ZNF831: variants seen among roughly 807,000 people sequenced by gnomAD.
ZNF831 encodes the protein zinc finger protein 831, also known as chromosome 20 open reading frame 174.
Under a neutral mutation model 95.8 loss-of-function variants are expected in ZNF831, and 59 were observed. That is an observed-to-expected ratio of 0.62 (90% confidence interval 0.50 to 0.77). ZNF831 has a LOEUF of 0.77. Among genes scored for constraint, ZNF831 ranks in the 30% least tolerant of loss-of-function variants. ZNF831 has a pLI of 0.00. For missense variants in ZNF831, 2,205 were observed against 2,164.0 expected, an observed-to-expected ratio of 1.02 and a Z score of -0.38; for synonymous variants, 961 against 925.5, an observed-to-expected ratio of 1.04 and a Z score of -0.70.
chr20:59,147,305 C>G (rs917473907), intron 2 of ZNF831, among the ~76,000 whole-genome samples: 2 of 152,244 alleles, frequency 1.3e-5, no homozygotes, highest in African/African-American at 4.8e-5. Context: ...ATGTTCCATG[C>G]ACAGGCTCTG....
Position 59,172,106 on chromosome 20 carries a change from C to T in ZNF831, c.-37+7899C>T, listed in dbSNP as rs114398807. Among the ~76,000 whole-genome samples, 406 of 152,234 alleles carry T rather than the reference C, an allele frequency of 2.7e-3. 6 individuals carry two copies. The highest frequency in any genetic ancestry group is 9.2e-3 in the African/African-American group (381 of 41,530). On this transcript the variant is annotated intron_variant, in intron 1 of 5. Coordinates refer to ENST00000371030, the MANE Select transcript of ZNF831 (RefSeq NM_178457.3). ...TAGTTCTGAAAACTGGGTAAAGGGC[C>T]GTGAGTCTCCATTTGATGACTGAGT...
intron 4 of ZNF831, among the ~76,000 whole-genome samples, chr20:59,218,970 G>A (rs865833980): frequency 6.6e-5 from 10 of 152,018 alleles, no homozygotes; most frequent in Admixed American, 4.6e-4. Flanking sequence ...CCAAGATCGC[G>A]CTACTACACT....
At position 59,218,969 on chromosome 20, in the gene ZNF831, C is replaced by T. The variant is rs184100992; in HGVS notation, c.4027+11913C>T. Among the ~76,000 whole-genome samples the T allele has an allele frequency of 1.1e-3, 172 of 152,066 alleles. 3 individuals carry two copies. Among genetic ancestry groups the T allele is most frequent in the African/African-American group, 4.0e-3 (165 of 41,480 alleles). On this transcript the variant is annotated intron_variant, in intron 4 of 5. Coordinates refer to ENST00000371030, the MANE Select transcript of ZNF831 (RefSeq NM_178457.3). ...TGGAGGTTGCAGTGAGCCAAGATCG[C>T]GCTACTACACTCCAGCCTAGGTGAC... is the stretch of plus-strand genomic sequence containing the variant.
At chr20:59,182,835 G>A (rs1982725265) in intron 1 of ZNF831, among the ~76,000 whole-genome samples, 1 of 152,208 alleles carries the variant, frequency 6.6e-6, no homozygotes, top group Non-Finnish European at 1.5e-5. Context: ...GGCCCTGACA[G>A]GAAGTGGGCA....
At chr20:59,246,214 G>C (rs1056456146) in intron 4 of ZNF831, among the ~76,000 whole-genome samples, 8 of 151,944 alleles carry the variant, frequency 5.3e-5, no homozygotes, top group Non-Finnish European at 1.2e-4. Flanking sequence ...TTCTCTCTCT[G>C]TGCCTTCACT....
At position 59,217,923 on chromosome 20, in the gene ZNF831, C is replaced by T. The variant is rs1985805130; in HGVS notation, c.4027+10867C>T. ...TGGATCAGCCTGCTCTGGGGGGACT[C>T]TGTCACTGCAAAGGACATCAAGGCC... On this transcript the variant is annotated intron_variant, in intron 4 of 5. Transcript: ENST00000371030. The surrounding 1 kb of genome is among the most constrained non-coding windows in gnomAD (Gnocchi z 4.4). 6.6e-6 allele frequency among the ~76,000 whole-genome samples: 1 copy of T among 152,346 alleles called. No individual in the cohort carries two copies. The highest frequency in any genetic ancestry group is 6.5e-5 in the Admixed American group (1 of 15,310).
At chr20:59,218,228 C>T (rs761553358) in intron 4 of ZNF831, among the ~76,000 whole-genome samples, 4 of 152,280 alleles carry the variant, frequency 2.6e-5, no homozygotes, top group South Asian at 2.1e-4. Context: ...TCCAGACTCC[C>T]GGGATAAAAT....
At chr20:59,237,323 A>T (rs977695174) in intron 4 of ZNF831, among the ~76,000 whole-genome samples, 2 of 152,052 alleles carry the variant, frequency 1.3e-5, no homozygotes, top group African/African-American at 4.8e-5. Context: ...TTCTCCACAG[A>T]CCTATCCCTG....
At chr20:59,174,479 T>C (rs926071985) in intron 1 of ZNF831, among the ~76,000 whole-genome samples, 1 of 152,228 alleles carries the variant, frequency 6.6e-6, no homozygotes, top group African/African-American at 2.4e-5. Context: ...TTTAGAATTA[T>C]CTTAAATATT....
At chr20:59,124,120 G>A (rs1014213943) in intron 1 of ZNF831, among the ~76,000 whole-genome samples, 2 of 152,168 alleles carry the variant, frequency 1.3e-5, no homozygotes, top group Non-Finnish European at 2.9e-5. Context: ...GGCAATGTCA[G>A]GTGATCCTCC....
intron 4 of ZNF831, 72 bp from the exon 5 acceptor site, chr20:59,252,906 A>C: frequency 6.6e-7 from 1 of 1,507,598 alleles, no homozygotes; most frequent in Admixed American, 2.0e-5. Flanking sequence ...AGTCATGGAC[A>C]ACCTCCCAGG....
chr20:59,180,233 G>C (rs940384344), intron 1 of ZNF831, among the ~76,000 whole-genome samples: 6 of 152,080 alleles, frequency 3.9e-5, no homozygotes, highest in Admixed American at 2.0e-4. Flanking sequence ...GACCACAGGC[G>C]TGTACCACCA....
intron 1 of ZNF831, among the ~76,000 whole-genome samples, chr20:59,140,263 A>G (rs1979636247): frequency 2.6e-5 from 4 of 152,166 alleles, no homozygotes; most frequent in African/African-American, 4.8e-5. Context: ...CCATTTAGAA[A>G]GCTGGCTCAT....
At chr20:59,198,066 G>A (rs260005) in intron 3 of ZNF831, among the ~76,000 whole-genome samples, 16,334 of 152,048 alleles carry the variant, frequency 0.11, 1,863 homozygotes, top group African/African-American at 0.29. Context: ...TGACTAATTC[G>A]AAAATATTTA....
chr20:59,225,687 T>C (rs1417139670), intron 4 of ZNF831, among the ~76,000 whole-genome samples: 1 of 152,194 alleles, frequency 6.6e-6, no homozygotes, highest in Non-Finnish European at 1.5e-5. Context: ...TAAACTTTAG[T>C]CAACCTTTAT....
intron 2 of ZNF831, among the ~76,000 whole-genome samples, chr20:59,158,589 G>A (rs946454922): frequency 3.3e-5 from 5 of 152,204 alleles, no homozygotes; most frequent in African/African-American, 1.2e-4. Context: ...GGGCTGGAGA[G>A]ATCAACCCAA....
intron 4 of ZNF831, among the ~76,000 whole-genome samples, chr20:59,243,940 T>A (rs989273414): frequency 7.1e-6 from 1 of 141,308 alleles, no homozygotes; most frequent in Non-Finnish European, 1.5e-5. Context: ...ATATTAACAA[T>A]TTTTTTTTCC....
chr20:59,220,367 C>T (rs1986000154), intron 4 of ZNF831, among the ~76,000 whole-genome samples: 1 of 152,330 alleles, frequency 6.6e-6, no homozygotes. Context: ...CACCCACCTG[C>T]TGCCTGGTCT....
chr20:59,151,824 G>T (rs1174932568), intron 2 of ZNF831, among the ~76,000 whole-genome samples: 3 of 152,204 alleles, frequency 2.0e-5, no homozygotes, highest in African/African-American at 4.8e-5. Context: ...AGGGAACGCT[G>T]AACCTTCGGG....
Sources: gnomAD v4.1 joint callset for allele counts (sites outside exome capture counted in the v4.1 genomes callset) on GRCh38, gnomAD v4.1.1 for gene constraint, Gnocchi (gnomAD v3.1) non-coding constraint, MANE v1.5 for transcripts, NCBI Gene and HGNC (gene_info 2026-07-23, HGNC 2026-07-21) for gene names.